Variants in PCSK5 observed in about 807,000 individuals in gnomAD.
PCSK5 encodes proprotein convertase subtilisin/kexin type 5.
Under a neutral mutation model 233.2 loss-of-function variants are expected in PCSK5, and 129 were observed. That is an observed-to-expected ratio of 0.55 (90% CI 0.48 to 0.64). The LOEUF (loss-of-function observed/expected upper bound fraction) is 0.64, where lower values mean the gene tolerates loss of function less well. Ranked by LOEUF, PCSK5 falls within the 30% of genes least tolerant of loss-of-function variation. The probability of loss-of-function intolerance (pLI) is 0.00; values close to 1 mark genes in which losing one functional copy is unlikely to be tolerated. For missense variants in PCSK5, 2,076 were observed against 2,430.1 expected, an observed-to-expected ratio of 0.85 and a Z score of 3.06; for synonymous variants, 825 against 879.2, an observed-to-expected ratio of 0.94 and a Z score of 1.09.
At chr9:76,280,231 G>C (rs1282835256) in intron 24 of PCSK5, among the ~76,000 whole-genome samples, 1 of 152,160 alleles carries the variant, frequency 6.6e-6, no homozygotes, top group Non-Finnish European at 1.5e-5. Context: ...ATGGAACTTA[G>C]TTGACAAATG....
chr9:75,904,420 T>C (rs529665408), intron 1 of PCSK5, among the ~76,000 whole-genome samples: 2 of 152,240 alleles, frequency 1.3e-5, no homozygotes, highest in Admixed American at 6.5e-5. Flanking sequence ...AAATATGTAA[T>C]GAATTCTCAC....
intron 22 of PCSK5, among the ~76,000 whole-genome samples, 179 bp downstream of exon 22, chr9:76,233,775 T>C (rs1010367608): frequency 6.6e-6 from 1 of 152,120 alleles, no homozygotes; most frequent in African/African-American, 2.4e-5. Context: ...ACAAAAAGCT[T>C]GTTCACCTTA....
intron 11 of PCSK5, 83 bp downstream of exon 11, chr9:76,157,245 C>T: frequency 2.4e-6 from 2 of 842,856 alleles, no homozygotes; most frequent in East Asian, 2.4e-5. Flanking sequence ...CCTCTTGTTG[C>T]ACACAGAAGC....
chr9:76,083,219 A>G (rs2131624312), intron 7 of PCSK5, among the ~76,000 whole-genome samples: 1 of 151,836 alleles, frequency 6.6e-6, no homozygotes, highest in South Asian at 2.1e-4. Flanking sequence ...AAAAAAAAAA[A>G]AAAAAAAAGA....
chr9:75,927,177 T>C (rs1022342733), intron 1 of PCSK5, among the ~76,000 whole-genome samples: 1 of 152,228 alleles, frequency 6.6e-6, no homozygotes, highest in Non-Finnish European at 1.5e-5. Context: ...AGTGCTATTA[T>C]GATTTTAATT....
At chr9:75,998,218 C>T (rs1306254379) in intron 3 of PCSK5, among the ~76,000 whole-genome samples, 2 of 152,028 alleles carry the variant, frequency 1.3e-5, no homozygotes, top group Non-Finnish European at 2.9e-5. Context: ...CATAGCAGGC[C>T]CACATAATTT....
intron 2 of PCSK5, among the ~76,000 whole-genome samples, chr9:75,944,380 C>T (rs952147514): frequency 1.1e-4 from 17 of 151,936 alleles, no homozygotes; most frequent in Non-Finnish European, 4.4e-5. Context: ...AACTCTTAAC[C>T]TTTCCACAGT....
intron 24 of PCSK5, among the ~76,000 whole-genome samples, chr9:76,273,662 T>C (rs879414858): frequency 2.0e-5 from 3 of 150,156 alleles, no homozygotes; most frequent in African/African-American, 4.9e-5. Flanking sequence ...ACAGACAGTA[T>C]ATCTCTGTCA....
Position 76,068,057 on chromosome 9 carries a change from A to G in PCSK5, c.721+14A>G, listed in dbSNP as rs375020780. 2.0e-5 allele frequency: 31 copies of G among 1,585,454 alleles called. No homozygotes were observed. The highest frequency in any genetic ancestry group is 2.5e-5 in the Non-Finnish European group (29 of 1,153,876). On this transcript the variant is annotated intron_variant, in intron 6 of 37. Transcript: ENST00000674117. ...CCAAGATCGGAGGTATGGGAAACCA[A>G]CTCACGTGGATGTAGAAATGCGCCA...
In PCSK5 at chr9:76,008,698, G is replaced by A. The variant is rs1229713101; in HGVS notation, c.412-15040G>A. 1.1e-4 allele frequency among the ~76,000 whole-genome samples: 16 copies of A among 152,162 alleles called. 1 individual carries two copies. Among genetic ancestry groups the A allele is most frequent in the Non-Finnish European group, 1.5e-5 (1 of 68,042 alleles). ...GATGGTCTCGATCTCCTGACCTCGT[G>A]ATCCACCTGCCTCAGCCTCCCAAAG... On this transcript the variant is annotated intron_variant, in intron 3 of 37. Coordinates refer to ENST00000674117, the MANE Select transcript of PCSK5 (RefSeq NM_001372043.1).
At chr9:75,905,630 C>T (rs761602428) in intron 1 of PCSK5, among the ~76,000 whole-genome samples, 2 of 152,174 alleles carry the variant, frequency 1.3e-5, no homozygotes, top group African/African-American at 2.4e-5. Context: ...TGGACTGATA[C>T]GGTCCGTGGC....
At position 75,986,206 on chromosome 9, in the gene PCSK5, C is replaced by T. The variant is rs1340029414; in HGVS notation, c.372C>T (p.Thr124=). The change falls in exon 3 of 38, where the codon ACC becomes ACT. Residue 124 remains threonine (T), a synonymous_variant. Transcript: ENST00000674117. ...ATGACTTCAGTCGTGCCCAGTCTACCTATTTCAATGATCCCAAGTGGCCCA... is the reference window on the plus strand; with the variant it reads ...ATGACTTCAGTCGTGCCCAGTCTACTTATTTCAATGATCCCAAGTGGCCCA... ...RDYDFSRAQS[T]YFNDPKWPSM... is the part of the protein sequence containing the mutation. 1.9e-6 allele frequency: 3 copies of T among 1,613,452 alleles called. No individual in the cohort carries two copies. Among genetic ancestry groups the T allele is most frequent in the Non-Finnish European group, 8.5e-7 (1 of 1,179,364 alleles).
chr9:76,190,881 T>G (rs1043851934), intron 20 of PCSK5, among the ~76,000 whole-genome samples: 1 of 152,192 alleles, frequency 6.6e-6, no homozygotes, highest in African/African-American at 2.4e-5. Context: ...CAGCCCATGA[T>G]CATAGGTTTA....
chr9:76,018,613 A>G (rs1828052729), intron 3 of PCSK5, among the ~76,000 whole-genome samples: 1 of 152,138 alleles, frequency 6.6e-6, no homozygotes, highest in Admixed American at 6.5e-5. Flanking sequence ...CTTCCACAAA[A>G]CCAGATCCTG....
At chr9:76,026,920 T>G in intron 4 of PCSK5, 41 bp from the exon 5 acceptor site, 1 of 1,357,144 alleles carries the variant, frequency 7.4e-7, no homozygotes, top group South Asian at 1.2e-5. Context: ...AATTAATGAA[T>G]GTCCATTTCC....
chr9:76,171,499 A>T (rs1225114841), intron 13 of PCSK5, among the ~76,000 whole-genome samples: 1 of 152,246 alleles, frequency 6.6e-6, no homozygotes, highest in East Asian at 1.9e-4. Flanking sequence ...ACCAGACACC[A>T]GAAATTCTAC....
Position 76,175,064 on chromosome 9 carries a change from T to C in PCSK5, c.1835T>C (p.Val612Ala). Residue 612 changes from valine (V) to alanine (A), a missense_variant, in exon 14 of 38, where the codon GTG (valine) becomes GCG (alanine). This residue lies in a region of PCSK5 where 84 missense variants were observed against 108.8 expected (regional missense o/e 0.77). Coordinates refer to ENST00000674117, the MANE Select transcript of PCSK5 (RefSeq NM_001372043.1). ...TCACCAACCAATGAATTTCCGAAAG[T>C]GGAACGGTTCCGCTATAGCCGAGTT... ...PYSPTNEFPK[V>A]ERFRYSRVED... 1 of 1,614,164 alleles carries C rather than the reference T, an allele frequency of 6.2e-7. No individual in the cohort carries two copies. Among genetic ancestry groups the C allele is most frequent in the Non-Finnish European group, 8.5e-7 (1 of 1,180,002 alleles).
intron 20 of PCSK5, among the ~76,000 whole-genome samples, chr9:76,217,871 G>C (rs986750922): frequency 1.3e-5 from 2 of 152,108 alleles, no homozygotes; most frequent in Non-Finnish European, 2.9e-5. Context: ...CCTGGATTTG[G>C]AAGCCTCCTG....
At chr9:76,229,931 T>C (rs560845305) in intron 21 of PCSK5, among the ~76,000 whole-genome samples, 37 of 152,298 alleles carry the variant, frequency 2.4e-4, no homozygotes, top group African/African-American at 8.7e-4. Context: ...AAGAAGCTCT[T>C]CCCCTGCAGA....
Sources: allele counts gnomAD v4.1 joint callset (sites outside exome capture counted in the v4.1 genomes callset), GRCh38; gene constraint gnomAD v4.1.1; regional missense constraint gnomAD v4.1.1; transcripts MANE v1.5; gene names NCBI Gene and HGNC (gene_info 2026-07-23, HGNC 2026-07-21).